TDRD12: variants seen among roughly 807,000 people sequenced by gnomAD.
TDRD12 encodes the protein putative ATP-dependent RNA helicase TDRD12.
A neutral mutation model predicts 133.5 loss-of-function variants in TDRD12; 158 were observed. The observed-to-expected ratio is 1.18, with a 90% CI of 1.04 to 1.35. TDRD12 has a LOEUF of 1.35. Among genes scored for constraint, TDRD12 ranks in the 40% most tolerant of loss-of-function variants. The probability of loss-of-function intolerance (pLI) is 0.00; values close to 1 mark genes in which losing one functional copy is unlikely to be tolerated. For missense variants in TDRD12, 1,443 were observed against 1,321.3 expected (o/e 1.09, Z -1.43); for synonymous variants, 460 against 477.9 (o/e 0.96, Z 0.49).
At chr19:32,753,716 A>AAC (rs1455652521) in intron 6 of TDRD12, among the ~76,000 whole-genome samples, 1 of 138,676 alleles carries the variant, frequency 7.2e-6, no homozygotes, top group Non-Finnish European at 1.5e-5. Flanking sequence ...ACAGGGTTTC[A>AAC]CTGTGTTAGC....
At chr19:32,826,345 G>C in exon 8 of TDRD12, 1 of 1,325,728 alleles carries the variant, frequency 7.5e-7, no homozygotes, top group South Asian at 2.5e-5. Flanking sequence ...TTAAGGGATA[G>C]AGTCGTTTTC....
At chr19:32,818,093 A>C (rs942862792) in exon 27 of TDRD12, 8 of 702,640 alleles carry the variant, frequency 1.1e-5, no homozygotes, top group Non-Finnish European at 1.8e-5. Flanking sequence ...CTCCAGGCCG[A>C]GGGTGACAGG....
chr19:32,771,071 G>A (rs1032531865), intron 8 of TDRD12, among the ~76,000 whole-genome samples: 1 of 152,312 alleles, frequency 6.6e-6, no homozygotes. Flanking sequence ...TGCTTATGGT[G>A]AGGCCTCAGG....
intron 9 of TDRD12, 74 bp from the exon 10 acceptor site, chr19:32,773,382 A>AT (rs1970491192): frequency 7.8e-7 from 1 of 1,283,906 alleles, no homozygotes; most frequent in African/African-American, 1.5e-5. Context: ...CTCCCATGGA[A>AT]TTTTGGTTCC....
At chr19:32,791,430 A>G (rs8104532) in intron 13 of TDRD12, among the ~76,000 whole-genome samples, 11,317 of 152,170 alleles carry the variant, frequency 0.074, 732 homozygotes, top group East Asian at 0.24. Context: ...ATTGTCTTAC[A>G]CACATATGGT....
chr19:32,757,088 A>G (rs1048384571), exon 8 of TDRD12: 1 of 1,551,916 alleles, frequency 6.4e-7, no homozygotes, highest in Non-Finnish European at 8.7e-7. Flanking sequence ...TACATGGTGC[A>G]AGGGTATTGT....
At chr19:32,742,817 C>G in exon 4 of TDRD12, 1 of 1,551,834 alleles carries the variant, frequency 6.4e-7, no homozygotes, top group Non-Finnish European at 8.7e-7. Context: ...TGCAGCTTCC[C>G]TATAGAGCAA....
exon 23 of TDRD12, chr19:32,810,203 T>G (rs1966953429): frequency 6.5e-7 from 1 of 1,536,028 alleles, no homozygotes; most frequent in Non-Finnish European, 8.7e-7. Context: ...ATTTTAAGGA[T>G]TCTAATAAAA....
chr19:32,758,057 G>A (rs763080468), intron 8 of TDRD12, among the ~76,000 whole-genome samples: 22 of 152,200 alleles, frequency 1.4e-4, no homozygotes, highest in African/African-American at 2.4e-4. Flanking sequence ...GGGCCTGGCC[G>A]CTGGAGGCTC....
chr19:32,739,613 G>GCTGTCTGCATCTCCTGGC (rs1568450543), intron 3 of TDRD12, among the ~76,000 whole-genome samples: 7 of 140,824 alleles, frequency 5.0e-5, no homozygotes, highest in African/African-American at 1.6e-4. Context: ...CATCTCCTGG[G>GCTGTCTGCATCTCCTGGC]TGCTGTCTGC....
At chr19:32,736,229 A>G (rs1335941254) in intron 2 of TDRD12, among the ~76,000 whole-genome samples, 3 of 152,196 alleles carry the variant, frequency 2.0e-5, no homozygotes, top group Non-Finnish European at 2.9e-5. Context: ...GTTGAGATCT[A>G]TGCTCAGAAA....
exon 28 of TDRD12, chr19:32,821,191 A>G (rs1967375509): frequency 7.1e-7 from 1 of 1,401,896 alleles, no homozygotes; most frequent in Non-Finnish European, 9.7e-7. Context: ...TAATGTCTGG[A>G]AAATTGCTAA....
intron 4 of TDRD12, 142 bp from the exon 5 acceptor site, chr19:32,748,334 G>T: frequency 1.3e-6 from 1 of 781,842 alleles, no homozygotes; most frequent in Non-Finnish European, 2.1e-6. Context: ...CCCAGAGCAG[G>T]GCCAGTGCCA....
At position 32,800,233 on chromosome 19, in the gene TDRD12, C is replaced by T. The variant is rs997482118; in HGVS notation, c.1825C>T (p.Gln609Ter). Residue 609 changes from glutamine (Q) to a stop codon, truncating the protein, a stop_gained, in exon 17 of 28, where the codon CAG becomes TAG. Transcript: ENST00000444215. LOFTEE classifies it high-confidence loss of function. ...TGAAGAAAGGGAATCTGCACCACAT[C>T]AGATTGTTGCAGTTGGAGTTCATTG... The T allele has an allele frequency of 1.9e-5, 29 of 1,533,642 alleles. No homozygotes were observed. The highest frequency in any genetic ancestry group is 2.0e-5 in the Non-Finnish European group (23 of 1,145,582).
chr19:32,731,307 C>G (rs1009775786), intron 1 of TDRD12, among the ~76,000 whole-genome samples: 3 of 152,046 alleles, frequency 2.0e-5, no homozygotes, highest in Admixed American at 6.6e-5. Flanking sequence ...GTAATCCTAG[C>G]ACTTAGGGAG....
chr19:32,723,317 C>T (rs934161164), intron 1 of TDRD12, among the ~76,000 whole-genome samples: 2 of 150,854 alleles, frequency 1.3e-5, no homozygotes, highest in African/African-American at 4.9e-5. Context: ...GTGGTGTGAT[C>T]TCGGCACAGT....
intron 21 of TDRD12, among the ~76,000 whole-genome samples, chr19:32,803,414 A>T (rs1971457222): frequency 6.6e-6 from 1 of 152,046 alleles, no homozygotes; most frequent in Non-Finnish European, 1.5e-5. Flanking sequence ...CATGTCTGTG[A>T]CATTCGTCTG....
At chr19:32,745,655 G>C (rs1440658679) in intron 4 of TDRD12, among the ~76,000 whole-genome samples, 1 of 140,882 alleles carries the variant, frequency 7.1e-6, no homozygotes, top group Non-Finnish European at 1.5e-5. Context: ...GGCTGATGTG[G>C]TTATTCTGTG....
chr19:32,823,914 G>A (rs118028025), downstream of TDRD12, among the ~76,000 whole-genome samples: 235 of 152,366 alleles, frequency 1.5e-3, no homozygotes, highest in Non-Finnish European at 2.2e-3. Context: ...AGAGCCTGGT[G>A]TGGGGCCCTC....
Sources: gnomAD v4.1 joint callset for allele counts (sites outside exome capture counted in the v4.1 genomes callset) on GRCh38, gnomAD v4.1.1 for gene constraint, MANE v1.5 for transcripts, NCBI Gene and HGNC (gene_info 2026-07-23, HGNC 2026-07-21) for gene names.